Variants in RPS6KA2 observed in about 807,000 individuals in gnomAD.
The protein encoded by RPS6KA2 is ribosomal protein S6 kinase A2, also known as ribosomal protein S6 kinase alpha-2.
Under a neutral mutation model 91.8 loss-of-function variants are expected in RPS6KA2, and 42 were observed. The observed-to-expected ratio is 0.46, with a 90% CI of 0.36 to 0.59. The LOEUF (loss-of-function observed/expected upper bound fraction) is 0.59. RPS6KA2 is among the 20% of genes least tolerant of loss of function. The pLI is 0.00. For missense variants in RPS6KA2, 798 were observed against 978.5 expected (o/e 0.82, Z 2.46); for synonymous variants, 414 against 393.6 (o/e 1.05, Z -0.61).
intron 1 of RPS6KA2, among the ~76,000 whole-genome samples, chr6:166,617,757 A>C (rs1237271132): frequency 2.0e-5 from 3 of 152,196 alleles, no homozygotes; most frequent in Non-Finnish European, 4.4e-5. Context: ...ATTAACCTAG[A>C]AGCTGCGAAT....
chr6:166,784,644 A>ATAACCACATATACACAC (rs748323701), intron 2 of RPS6KA2, among the ~76,000 whole-genome samples: 929 of 42,878 alleles, frequency 0.022, 438 homozygotes, highest in Non-Finnish European at 0.031. Context: ...ACACCTATGC[A>ATAACCACATATACACAC]GAACCACATA....
At chr6:166,796,670 C>G (rs1779233353) in intron 2 of RPS6KA2, among the ~76,000 whole-genome samples, 1 of 152,256 alleles carries the variant, frequency 6.6e-6, no homozygotes, top group African/African-American at 2.4e-5. Context: ...TCTCCTCTCC[C>G]TTTCCCTGCT....
At chr6:166,739,109 A>G (rs1790743429) in intron 2 of RPS6KA2, among the ~76,000 whole-genome samples, 1 of 152,262 alleles carries the variant, frequency 6.6e-6, no homozygotes, top group South Asian at 2.1e-4. Flanking sequence ...CATCAGAAAT[A>G]AAATTTACAA....
At chr6:166,565,836 T>C (rs1784483661) in intron 1 of RPS6KA2, among the ~76,000 whole-genome samples, 1 of 152,188 alleles carries the variant, frequency 6.6e-6, no homozygotes, top group Non-Finnish European at 1.5e-5. Context: ...GGACTCCACA[T>C]GGATGCAGAG....
intron 1 of RPS6KA2, among the ~76,000 whole-genome samples, chr6:166,584,255 G>A (rs1375247467): frequency 1.3e-5 from 2 of 152,234 alleles, no homozygotes; most frequent in African/African-American, 4.8e-5. Flanking sequence ...GGTGGAGCAA[G>A]AGCTCTGGTC....
At position 166,490,751 on chromosome 6, in the gene RPS6KA2, A is replaced by G. The variant is rs1228667100; in HGVS notation, c.748-10T>C. The G allele has an allele frequency of 6.2e-7, 1 of 1,608,866 alleles. No individual in the cohort carries two copies. ...CCGTGAGCATCTCAAACTGCAGAGCAACACAGAGCACAGTGAGTTCATTCA... is the reference window on the plus strand; with the variant it reads ...CCGTGAGCATCTCAAACTGCAGAGCGACACAGAGCACAGTGAGTTCATTCA... On this transcript the variant is annotated splice_polypyrimidine_tract_variant and intron_variant, in intron 8 of 20. Coordinates refer to ENST00000265678, the MANE Select transcript of RPS6KA2 (RefSeq NM_021135.6). This position sits in a 1 kb window ranked among gnomAD's most constrained non-coding sequence, Gnocchi z 4.2.
rs1790543549 is a variant in RPS6KA2 at position 166,732,102 on chromosome 6, A to G, written c.123+126098T>C. On this transcript the variant is annotated intron_variant, in intron 2 of 21. Coordinates refer to the RPS6KA2 transcript ENST00000503859. The surrounding 1 kb of genome is among the most constrained non-coding windows in gnomAD (Gnocchi z 4.0). ...CTGGAATACCTTTTCCAGAGACCTT[A>G]ATTCCTTTTTCTTTTCCTTTTTGTT... Among the ~76,000 whole-genome samples, 1 of 151,754 alleles carries G rather than the reference A, an allele frequency of 6.6e-6. No homozygotes were observed. Among genetic ancestry groups the G allele is most frequent in the South Asian group, 2.1e-4 (1 of 4,768 alleles).
chr6:166,583,973 C>T (rs1435285117), intron 1 of RPS6KA2, among the ~76,000 whole-genome samples: 1 of 152,230 alleles, frequency 6.6e-6, no homozygotes, highest in African/African-American at 2.4e-5. Context: ...AACAAAAAGG[C>T]GCATCTTAAA....
intron 12 of RPS6KA2, among the ~76,000 whole-genome samples, chr6:166,457,912 T>C (rs750136235): frequency 7.9e-5 from 12 of 152,152 alleles, no homozygotes; most frequent in Admixed American, 2.6e-4. Context: ...AAATTTCAGA[T>C]TCAAAAGCAG....
At chr6:166,611,949 CCAAA>C (rs1413997358) in intron 1 of RPS6KA2, among the ~76,000 whole-genome samples, 1 of 152,124 alleles carries the variant, frequency 6.6e-6, no homozygotes, top group Non-Finnish European at 1.5e-5. Context: ...CTCCCTGGGG[CCAAA>C]CAAACTTAAA....
At chr6:166,699,548 C>G (rs977994011) in intron 2 of RPS6KA2, among the ~76,000 whole-genome samples, 2 of 152,102 alleles carry the variant, frequency 1.3e-5, no homozygotes, top group African/African-American at 4.8e-5. Flanking sequence ...GTGATATATA[C>G]AAGTCTTTAG....
intron 2 of RPS6KA2, among the ~76,000 whole-genome samples, chr6:166,633,920 G>A (rs1421332486): frequency 1.3e-5 from 2 of 152,156 alleles, no homozygotes; most frequent in African/African-American, 2.4e-5. Context: ...CCATGGGGAG[G>A]GAGGAAGGAC....
At chr6:166,801,946 A>T (rs114076684) in intron 2 of RPS6KA2, among the ~76,000 whole-genome samples, 3,553 of 148,062 alleles carry the variant, frequency 0.024, 122 homozygotes, top group African/African-American at 0.081. Context: ...GAGGAAAATT[A>T]AAAAAAAAAA....
intron 2 of RPS6KA2, among the ~76,000 whole-genome samples, chr6:166,705,313 C>T (rs778760168): frequency 1.3e-5 from 2 of 152,172 alleles, no homozygotes; most frequent in Non-Finnish European, 2.9e-5. Context: ...CGAATGTGTC[C>T]GTTTCTCTTT....
At chr6:166,521,364 T>G (rs9348145) in intron 3 of RPS6KA2, among the ~76,000 whole-genome samples, 93,812 of 152,134 alleles carry the variant, frequency 0.62, 29,539 homozygotes, top group African/African-American at 0.74. Context: ...CGCCAACTCG[T>G]TATGTCCAAA....
At chr6:166,720,408 T>G (rs140104872) in intron 2 of RPS6KA2, among the ~76,000 whole-genome samples, 3 of 152,254 alleles carry the variant, frequency 2.0e-5, no homozygotes, top group East Asian at 3.9e-4. Context: ...AATGGATGGG[T>G]GATATTGAAC....
chr6:166,451,276 G>T, intron 12 of RPS6KA2, 43 bp from the exon 13 acceptor site: 1 of 1,610,712 alleles, frequency 6.2e-7, no homozygotes, highest in Non-Finnish European at 8.5e-7. Flanking sequence ...CGAAAGCTGG[G>T]TGACCCTGGG....
At chr6:166,773,785 TTTA>T (rs1001597789) in intron 2 of RPS6KA2, among the ~76,000 whole-genome samples, 15 of 152,218 alleles carry the variant, frequency 9.9e-5, no homozygotes, top group African/African-American at 3.6e-4. Flanking sequence ...TTAACATGAA[TTTA>T]TTATCATCAT....
At chr6:166,488,702 G>T (rs988020334) in intron 10 of RPS6KA2, 131 bp downstream of exon 10, 4 of 654,950 alleles carry the variant, frequency 6.1e-6, no homozygotes, top group Non-Finnish European at 1.1e-5. Flanking sequence ...TCAACCTCTA[G>T]GTGAGGTCTG....
Sources: allele counts gnomAD v4.1 joint callset (sites outside exome capture counted in the v4.1 genomes callset), GRCh38; gene constraint gnomAD v4.1.1; non-coding constraint Gnocchi (gnomAD v3.1); transcripts MANE v1.5; gene names NCBI Gene and HGNC (gene_info 2026-07-23, HGNC 2026-07-21).